Variants in TENM1 observed in about 807,000 individuals in gnomAD.
TENM1 encodes the protein teneurin transmembrane protein 1, also known as teneurin-1.
A neutral mutation model predicts 174.8 loss-of-function variants in TENM1; 35 were observed. The observed-to-expected ratio is 0.20, with a 90% CI of 0.15 to 0.27. The LOEUF is 0.27. Ranked by LOEUF, TENM1 falls within the 10% of genes least tolerant of loss-of-function variation. TENM1 has a pLI of 1.00. For missense variants in TENM1, 1,633 were observed against 2,130.1 expected, an observed-to-expected ratio of 0.77 and a Z score of 4.59; for synonymous variants, 781 against 798.7, an observed-to-expected ratio of 0.98 and a Z score of 0.37.
intron 4 of TENM1, among the ~76,000 whole-genome samples, chrX:124,715,236 T>G (rs1490468109): frequency 2.7e-5 from 3 of 112,038 alleles, no homozygotes; most frequent in Non-Finnish European, 5.6e-5. Flanking sequence ...TTTTATACAT[T>G]TTCCCTATGG....
At chrX:125,109,439 T>C in the TENM1 span, among the ~76,000 whole-genome samples, 3 of 110,536 alleles carry the variant, frequency 2.7e-5, no homozygotes, top group Non-Finnish European at 5.7e-5. Context: ...GGTAAACGTG[T>C]GCCATGGTGC....
chrX:125,197,374 G>A, the TENM1 span, among the ~76,000 whole-genome samples: 1 of 111,264 alleles, frequency 9.0e-6, no homozygotes, highest in Non-Finnish European at 1.9e-5. Context: ...TAAATATATG[G>A]TGATTTCAAA....
chrX:124,768,142 C>T (rs1315004858), intron 3 of TENM1, among the ~76,000 whole-genome samples: 1 of 111,504 alleles, frequency 9.0e-6, no homozygotes, highest in Non-Finnish European at 1.9e-5. Flanking sequence ...TAAAATTAGA[C>T]TCTATGATTG....
chrX:124,904,803 A>T (rs2057719456), intron 1 of TENM1, among the ~76,000 whole-genome samples: 1 of 109,351 alleles, frequency 9.1e-6, no homozygotes, highest in Non-Finnish European at 1.9e-5. Context: ...AACTGGGGAA[A>T]TTTTACTGAA....
At chrX:124,661,958 T>C (rs996294101) in intron 6 of TENM1, among the ~76,000 whole-genome samples, 1 of 111,399 alleles carries the variant, frequency 9.0e-6, no homozygotes, top group East Asian at 2.8e-4. Context: ...GTGTCCTCTT[T>C]TTCAGTTCCT....
chrX:125,176,715 G>T, the TENM1 span, among the ~76,000 whole-genome samples: 2 of 111,447 alleles, frequency 1.8e-5, no homozygotes, highest in Non-Finnish European at 3.8e-5. Flanking sequence ...TAATCATTGT[G>T]TGTTTACCAA....
At chrX:125,171,861 A>G in the TENM1 span, among the ~76,000 whole-genome samples, 1 of 112,127 alleles carries the variant, frequency 8.9e-6, no homozygotes, top group Admixed American at 9.5e-5. Context: ...AAAAGAGGCT[A>G]TCTTTGTTCA....
intron 3 of TENM1, among the ~76,000 whole-genome samples, chrX:124,757,097 T>C (rs1356036479): frequency 8.9e-6 from 1 of 112,243 alleles, no homozygotes; most frequent in East Asian, 2.8e-4. Context: ...CCCCCAGAGG[T>C]GGAGCCTACA....
chrX:125,019,543 C>A, the TENM1 span, among the ~76,000 whole-genome samples: 4 of 110,934 alleles, frequency 3.6e-5, no homozygotes, highest in African/African-American at 1.3e-4. Flanking sequence ...ATTGTAGACA[C>A]AAATATGTTG....
chrX:124,387,847 G>A (rs746865739), intron 28 of TENM1, among the ~76,000 whole-genome samples: 2 of 112,013 alleles, frequency 1.8e-5, no homozygotes, highest in African/African-American at 6.5e-5. Context: ...CCTGCAGCTT[G>A]CCACAGCCTA....
intron 11 of TENM1, among the ~76,000 whole-genome samples, chrX:124,633,273 T>C (rs1381451733): frequency 1.8e-5 from 2 of 112,184 alleles, no homozygotes; most frequent in South Asian, 3.7e-4. Context: ...TTTATGTAAA[T>C]AAACATGCAC....
intron 27 of TENM1, among the ~76,000 whole-genome samples, chrX:124,398,342 A>ATT (rs200247452): frequency 8.5e-5 from 9 of 105,537 alleles, no homozygotes; most frequent in Admixed American, 1.0e-4. Context: ...AATTCCACAG[A>ATT]TTTTTTTTTT....
the TENM1 span, among the ~76,000 whole-genome samples, chrX:125,004,301 G>T: frequency 9.0e-6 from 1 of 111,610 alleles, no homozygotes; most frequent in African/African-American, 3.3e-5. Context: ...TGTTGCTATG[G>T]GTCCACAGAA....
chrX:125,202,835 C>T, the TENM1 span, among the ~76,000 whole-genome samples: 3 of 112,504 alleles, frequency 2.7e-5, no homozygotes, highest in Non-Finnish European at 5.6e-5. Context: ...TTCTCCGCCT[C>T]TAGGCAAAGC....
chrX:124,918,354 A>AT (rs1224374244), intron 1 of TENM1, among the ~76,000 whole-genome samples: 1 of 109,707 alleles, frequency 9.1e-6, no homozygotes, highest in African/African-American at 3.3e-5. Flanking sequence ...TAATTTTTGT[A>AT]TTTTTAATAG....
chrX:124,890,792 A>C (rs2057461326), intron 3 of TENM1, among the ~76,000 whole-genome samples: 1 of 111,479 alleles, frequency 9.0e-6, no homozygotes, highest in African/African-American at 3.3e-5. Flanking sequence ...AAAACTAAAA[A>C]TAGAACTACC....
At chrX:124,392,444 T>C in intron 27 of TENM1, 96 bp from the exon 31 acceptor site, 2 of 727,716 alleles carry the variant, frequency 2.7e-6, no homozygotes, top group Non-Finnish European at 4.1e-6. Flanking sequence ...TATCCAACGA[T>C]AGAGTCTGTC....
At chrX:125,203,161 A>G in the TENM1 span, among the ~76,000 whole-genome samples, 1 of 112,982 alleles carries the variant, frequency 8.9e-6, no homozygotes, top group Non-Finnish European at 1.9e-5. Context: ...GAGGTCCTGC[A>G]GTTCCCCCGG....
chrX:124,515,644 G>GA (rs2047685308), intron 18 of TENM1, among the ~76,000 whole-genome samples: 5 of 110,379 alleles, frequency 4.5e-5, no homozygotes, highest in Non-Finnish European at 9.5e-5. Context: ...CCAGGGAGGT[G>GA]AAAAATCTCT....
Sources: allele counts gnomAD v4.1 joint callset (sites outside exome capture counted in the v4.1 genomes callset), GRCh38; gene constraint gnomAD v4.1.1; transcripts MANE v1.5; gene names NCBI Gene and HGNC (gene_info 2026-07-23, HGNC 2026-07-21).